The following MYO3B variants were observed in gnomAD, a reference collection of about 807,000 sequenced individuals.
MYO3B encodes the protein myosin-IIIb.
A neutral mutation model predicts 174.6 loss-of-function variants in MYO3B; 156 were observed. The observed-to-expected ratio is 0.89, with a 90% CI of 0.78 to 1.02. MYO3B has a LOEUF of 1.02. Ranked by LOEUF, MYO3B falls within the 50% of genes least tolerant of loss-of-function variation. The pLI, the probability that MYO3B is intolerant of heterozygous loss-of-function variation, is 0.00. For synonymous variants in MYO3B, 563 were observed against 569.1 expected, an observed-to-expected ratio of 0.99 and a Z score of 0.15; for missense variants, 1,632 against 1,639.4, an observed-to-expected ratio of 1.00 and a Z score of 0.08.
intron 15 of MYO3B, 132 bp downstream of exon 15, chr2:170,391,750 G>A (rs977091735): frequency 1.0e-5 from 6 of 592,144 alleles, no homozygotes; most frequent in Non-Finnish European, 1.5e-5. Context: ...CCAGGGTGAG[G>A]TGGCAGGAAG....
At chr2:170,316,929 C>G (rs1190585691) in intron 7 of MYO3B, among the ~76,000 whole-genome samples, 1 of 152,204 alleles carries the variant, frequency 6.6e-6, no homozygotes, top group East Asian at 1.9e-4. Context: ...TAGAAGCTGG[C>G]TGCAGACACC....
intron 7 of MYO3B, among the ~76,000 whole-genome samples, chr2:170,259,990 A>G (rs371708656): frequency 2.6e-5 from 4 of 152,186 alleles, no homozygotes; most frequent in African/African-American, 9.6e-5. Flanking sequence ...ACCACTAATC[A>G]TCAGACAAAT....
rs960456469 is a variant in MYO3B, at chr2:170,422,830, C to T, written c.2650+14986C>T. Among the ~76,000 whole-genome samples the T allele has an allele frequency of 9.9e-5, 15 of 152,028 alleles. No individual in the cohort carries two copies. The East Asian group carries it at 1.2e-3, about 12-fold the overall frequency. On this transcript the variant is annotated intron_variant, in intron 22 of 34. Transcript: ENST00000408978. Reference sequence around the variant, plus strand: ...ATTGAAATTAATTTCAATAATAGATCTTCATATATCAAAAGTATTATTCAA... The same window carrying T: ...ATTGAAATTAATTTCAATAATAGATTTTCATATATCAAAAGTATTATTCAA...
At chr2:170,622,924 A>C (rs1220327732) in intron 32 of MYO3B, among the ~76,000 whole-genome samples, 10 of 152,308 alleles carry the variant, frequency 6.6e-5, no homozygotes, top group African/African-American at 2.2e-4. Context: ...ATGGCTGCAT[A>C]GTATTCCATG....
At chr2:170,493,200 G>T (rs115856659) in intron 25 of MYO3B, among the ~76,000 whole-genome samples, 3,354 of 152,188 alleles carry the variant, frequency 0.022, 121 homozygotes, top group African/African-American at 0.076. Context: ...ACAAGCAAAA[G>T]CTAAAGAACT....
rs1189099041 is a variant in MYO3B at position 170,403,005 on chromosome 2, A to G, written c.2277+10A>G. On this transcript the variant is annotated intron_variant, in intron 19 of 34. Coordinates refer to ENST00000408978, the MANE Select transcript of MYO3B (RefSeq NM_138995.5). ...TTTTGCTCTTGAGCAGGTAATAGTGAACTCTGAGGTAACTAAACTTGATGG... is the reference window on the plus strand; with the variant it reads ...TTTTGCTCTTGAGCAGGTAATAGTGGACTCTGAGGTAACTAAACTTGATGG... 5 of 1,569,582 alleles carry G rather than the reference A, an allele frequency of 3.2e-6. No homozygotes were observed. The highest frequency in any genetic ancestry group is 4.4e-6 in the Non-Finnish European group (5 of 1,148,280).
At chr2:170,217,038 G>GAAA (rs5836266) in intron 5 of MYO3B, among the ~76,000 whole-genome samples, 31 of 149,190 alleles carry the variant, frequency 2.1e-4, no homozygotes, top group Non-Finnish European at 2.2e-4. Flanking sequence ...TAAATGATTG[G>GAAA]AAAAAAAAAA....
chr2:170,436,255 T>C lies in MYO3B; in HGVS notation c.2651-7712T>C, dbSNP rs58068199. On this transcript the variant is annotated intron_variant, in intron 22 of 34. Transcript: ENST00000408978. ...GCAATGCTTAGCTGGGAGGAGGCTGTCTAGGGGGTGAAGCACTGAGGATGC... is the reference window on the plus strand; with the variant it reads ...GCAATGCTTAGCTGGGAGGAGGCTGCCTAGGGGGTGAAGCACTGAGGATGC... 3.3e-3 allele frequency among the ~76,000 whole-genome samples: 506 copies of C among 152,284 alleles called. 1 individual carries two copies. The highest frequency in any genetic ancestry group is 0.011 in the African/African-American group (476 of 41,572).
Position 170,178,263 on chromosome 2 carries a change from G to A in MYO3B, c.-25G>A. The A allele has an allele frequency of 6.2e-7, 1 of 1,614,126 alleles. No homozygotes were observed. The highest frequency in any genetic ancestry group is 8.5e-7 in the Non-Finnish European group (1 of 1,179,986). On this transcript the variant is annotated 5_prime_UTR_variant, in exon 1 of 35. Coordinates refer to ENST00000408978, the MANE Select transcript of MYO3B (RefSeq NM_138995.5). The stretch of plus-strand genomic sequence containing the variant: ...GGAATGAGAATCCAATCTCTCATAA[G>A]CCGGATTCAGAAAATAGGTCATCGA...
Position 170,391,581 on chromosome 2 carries a change from CT to C in MYO3B, c.1642del (p.Ser548LeufsTer14). ...IYAGLHHQKK[L>X]SDFRLPEEKP... ...TGCTGGTCTTCATCACCAAAAGAAG[CT>C]TTCTGATTTCAGACTTCCTGAGGAA... On this transcript the variant is annotated frameshift_variant, in exon 15 of 35. Transcript: ENST00000408978. LOFTEE classifies it high-confidence loss of function. 10 of 1,585,744 alleles carry C rather than the reference CT, an allele frequency of 6.3e-6. No homozygotes were observed. The highest frequency in any genetic ancestry group is 8.5e-6 in the Non-Finnish European group (10 of 1,170,102).
intron 25 of MYO3B, among the ~76,000 whole-genome samples, chr2:170,472,852 C>G (rs1685061228): frequency 6.6e-6 from 1 of 151,846 alleles, no homozygotes; most frequent in Non-Finnish European, 1.5e-5. Context: ...AGGCGTGCAC[C>G]ACCATGCCTG....
intron 32 of MYO3B, among the ~76,000 whole-genome samples, chr2:170,550,300 C>A (rs1690793745): frequency 6.6e-6 from 1 of 152,178 alleles, no homozygotes; most frequent in East Asian, 1.9e-4. Flanking sequence ...TAGAAAAACA[C>A]CTCAAATGAA....
chr2:170,558,715 C>A lies in MYO3B; in HGVS notation c.3733+14727C>A, dbSNP rs1691511103. On this transcript the variant is annotated intron_variant, in intron 32 of 34. Coordinates refer to ENST00000408978, the MANE Select transcript of MYO3B (RefSeq NM_138995.5). ...ATCTGGGTTGTTTCTAGTTTGGAACCCTTACAAAGAAGAGATGTTCATGGA... is the reference window on the plus strand; with the variant it reads ...ATCTGGGTTGTTTCTAGTTTGGAACACTTACAAAGAAGAGATGTTCATGGA... Among the ~76,000 whole-genome samples, 3 of 152,210 alleles carry A rather than the reference C, an allele frequency of 2.0e-5. No individual in the cohort carries two copies. In the Middle Eastern group the frequency reaches 0.01, roughly 518 times the overall value.
chr2:170,466,415 G>A (rs188042488), intron 24 of MYO3B, 91 bp from the exon 25 acceptor site: 201 of 1,198,194 alleles, frequency 1.7e-4, no homozygotes, highest in Middle Eastern at 2.0e-4. Context: ...TGTGAGCCTC[G>A]AACTGCTCCA....
intron 32 of MYO3B, among the ~76,000 whole-genome samples, chr2:170,556,752 C>T (rs1691329489): frequency 6.6e-6 from 1 of 152,198 alleles, no homozygotes; most frequent in Admixed American, 6.5e-5. Context: ...GAACTCCTGA[C>T]CTCAGGTGCT....
At chr2:170,200,982 G>T (rs1268545959) in intron 3 of MYO3B, among the ~76,000 whole-genome samples, 2 of 152,188 alleles carry the variant, frequency 1.3e-5, no homozygotes, top group Non-Finnish European at 2.9e-5. Context: ...AAGCCAACTT[G>T]GGTGAGGGGT....
chr2:170,520,723 C>T (rs959129913), intron 30 of MYO3B, among the ~76,000 whole-genome samples: 8 of 152,052 alleles, frequency 5.3e-5, no homozygotes, highest in Non-Finnish European at 5.9e-5. Context: ...CTGCAGGGCC[C>T]GATACCCTGG....
At chr2:170,315,527 A>G (rs904458024) in intron 7 of MYO3B, among the ~76,000 whole-genome samples, 2 of 152,058 alleles carry the variant, frequency 1.3e-5, no homozygotes, top group African/African-American at 4.8e-5. Flanking sequence ...GCTGGTCTTG[A>G]ACTTCTGACC....
intron 32 of MYO3B, among the ~76,000 whole-genome samples, chr2:170,579,312 AG>A (rs1348646306): frequency 1.1e-4 from 16 of 151,572 alleles, no homozygotes; most frequent in African/African-American, 2.9e-4. Flanking sequence ...AAATATAATT[AG>A]TATATTATAA....
Sources: allele counts gnomAD v4.1 joint callset (sites outside exome capture counted in the v4.1 genomes callset), GRCh38; gene constraint gnomAD v4.1.1; transcripts MANE v1.5; gene names NCBI Gene and HGNC (gene_info 2026-07-23, HGNC 2026-07-21).